Variants in WDR43 observed in about 807,000 individuals in gnomAD.
The protein encoded by WDR43 is WD repeat-containing protein 43.
In WDR43, 13 loss-of-function variants were observed where a neutral mutation model predicts 91.4. The ratio of observed to expected loss-of-function variants is 0.14; its 90% CI spans 0.09 to 0.23. The LOEUF is 0.23. WDR43 is among the 10% of genes least tolerant of loss of function. WDR43 has a pLI of 1.00. For synonymous variants in WDR43, 331 were observed against 287.9 expected (o/e 1.15, Z -1.51); for missense variants, 780 against 809.4 (o/e 0.96, Z 0.44).
chr2:28,924,675 A>G (rs1446172796), intron 7 of WDR43, among the ~76,000 whole-genome samples: 2 of 152,118 alleles, frequency 1.3e-5, no homozygotes, highest in Non-Finnish European at 2.9e-5. Context: ...GGACAGAACC[A>G]TACAGGACCT....
At chr2:28,912,513 G>GT (rs1215175666) in intron 3 of WDR43, 77 bp from the exon 4 acceptor site, 12 of 1,533,282 alleles carry the variant, frequency 7.8e-6, no homozygotes, top group Admixed American at 6.1e-5. Flanking sequence ...TGTTCAGTTT[G>GT]TTTTTTTGTT....
Position 28,926,466 on chromosome 2 carries a change from A to T in WDR43, c.1087-2A>T. 1 of 1,536,196 alleles carries T rather than the reference A, an allele frequency of 6.5e-7. No homozygotes were observed. The highest frequency in any genetic ancestry group is 8.8e-7 in the Non-Finnish European group (1 of 1,138,814). On this transcript the variant is annotated splice_acceptor_variant, in intron 8 of 17. Coordinates refer to ENST00000407426, the MANE Select transcript of WDR43 (RefSeq NM_015131.3). LOFTEE classifies it high-confidence loss of function. ...TCCCCTTTAAAAAAAATATATTTTC[A>T]GGCTTTAAACTCCAGAGAACCTCAT...
At chr2:28,920,677 T>G (rs949999572) in intron 6 of WDR43, among the ~76,000 whole-genome samples, 2 of 152,086 alleles carry the variant, frequency 1.3e-5, no homozygotes, top group Non-Finnish European at 1.5e-5. Context: ...GAGGGATTTT[T>G]TTTGTTTGTT....
chr2:28,921,838 T>C (rs1321513213), intron 6 of WDR43, among the ~76,000 whole-genome samples: 2 of 152,158 alleles, frequency 1.3e-5, no homozygotes, highest in Admixed American at 6.5e-5. Context: ...GTCTTGTGAG[T>C]AGCTGGGACT....
At chr2:28,910,690 T>C (rs1158298433) in intron 3 of WDR43, among the ~76,000 whole-genome samples, 3 of 148,404 alleles carry the variant, frequency 2.0e-5, no homozygotes, top group African/African-American at 7.3e-5. Context: ...TATATATATA[T>C]ATATAATTAT....
intron 11 of WDR43, chr2:28,930,066 G>C (rs1055666827): frequency 6.3e-6 from 3 of 475,338 alleles, no homozygotes; most frequent in East Asian, 6.8e-5. Context: ...AGGAAAATGC[G>C]TTCCTGAGTT....
chr2:28,902,161 CAG>C (rs751501890), intron 2 of WDR43, 37 bp downstream of exon 2: 5 of 1,514,564 alleles, frequency 3.3e-6, no homozygotes, highest in Non-Finnish European at 3.5e-6. Flanking sequence ...AGTGATGTGA[CAG>C]GGAAGCTGAT....
At chr2:28,924,410 T>C (rs1671091999) in intron 7 of WDR43, among the ~76,000 whole-genome samples, 1 of 152,102 alleles carries the variant, frequency 6.6e-6, no homozygotes, top group African/African-American at 2.4e-5. Flanking sequence ...TAGACTATTG[T>C]CTTGAAGTGT....
chr2:28,902,243 A>G, intron 2 of WDR43, 119 bp downstream of exon 2: 1 of 1,027,524 alleles, frequency 9.7e-7, no homozygotes. Flanking sequence ...GACAGTTTTC[A>G]GTCTCATCTA....
At chr2:28,918,125 T>C (rs1258715197) in intron 6 of WDR43, 130 bp downstream of exon 6, 6 of 746,948 alleles carry the variant, frequency 8.0e-6, no homozygotes, top group Non-Finnish European at 8.5e-6. Context: ...CTGTAACAAA[T>C]TTTAGACTGT....
In WDR43 at chr2:28,896,400, T is replaced by C. The variant is rs145390748; in HGVS notation, c.225+1477T>C. Among the ~76,000 whole-genome samples the C allele has an allele frequency of 6.1e-3, 923 of 152,312 alleles. 10 individuals carry two copies. Among genetic ancestry groups the C allele is most frequent in the African/African-American group, 0.021 (860 of 41,564 alleles). On this transcript the variant is annotated intron_variant, in intron 1 of 17. Coordinates refer to ENST00000407426, the MANE Select transcript of WDR43 (RefSeq NM_015131.3). ...TATATTTAATAATGCAGAGAACACT[T>C]AGAATAGTTCTTGACAGGTAAGTGC...
chr2:28,934,797 A>C (rs565258154), intron 11 of WDR43, among the ~76,000 whole-genome samples: 1 of 152,294 alleles, frequency 6.6e-6, no homozygotes, highest in South Asian at 2.1e-4. Context: ...TATTCTGAGC[A>C]TATTTATAGC....
chr2:28,925,267 A>G, intron 8 of WDR43, 114 bp downstream of exon 8: 1 of 1,083,634 alleles, frequency 9.2e-7, no homozygotes. Context: ...TTCTTTTTTA[A>G]TTAAAGGATT....
At chr2:28,906,247 G>T (rs544747944) in intron 2 of WDR43, among the ~76,000 whole-genome samples, 64 of 152,060 alleles carry the variant, frequency 4.2e-4, no homozygotes, top group African/African-American at 1.5e-3. Context: ...CACATCCTCT[G>T]CCAATGACTG....
chr2:28,910,707 TA>T (rs2148183225), intron 3 of WDR43, among the ~76,000 whole-genome samples: 1 of 127,440 alleles, frequency 7.8e-6, no homozygotes, highest in Non-Finnish European at 1.7e-5. Context: ...TTATTATTTT[TA>T]TTTTTTTTGA....
chr2:28,908,375 A>G (rs1411254567), intron 3 of WDR43, among the ~76,000 whole-genome samples: 1 of 152,232 alleles, frequency 6.6e-6, no homozygotes, highest in Non-Finnish European at 1.5e-5. Context: ...CTGATGGCTC[A>G]GTGAGTATTT....
At chr2:28,903,143 CTT>C (rs1160772999) in intron 2 of WDR43, among the ~76,000 whole-genome samples, 1 of 151,968 alleles carries the variant, frequency 6.6e-6, no homozygotes, top group African/African-American at 2.4e-5. Context: ...ACATAACTAT[CTT>C]ATATTTGTCA....
In WDR43 at chr2:28,944,611, A is replaced by G. The variant is rs115496851; in HGVS notation, c.1805-1839A>G. On this transcript the variant is annotated intron_variant, in intron 16 of 17. Coordinates refer to ENST00000407426, the MANE Select transcript of WDR43 (RefSeq NM_015131.3). The stretch of plus-strand genomic sequence containing the variant: ...TGGTTTATTCCTTTAGCATAACACT[A>G]CATTGGTGAGAGTGCCTGGAGTTGA... Among the ~76,000 whole-genome samples, 1,270 of 152,364 alleles carry G rather than the reference A, an allele frequency of 8.3e-3. 15 individuals are homozygous for G. Among genetic ancestry groups the G allele is most frequent in the African/African-American group, 0.029 (1,219 of 41,590 alleles).
chr2:28,924,947 A>G, intron 7 of WDR43, 35 bp from the exon 8 acceptor site: 1 of 1,582,696 alleles, frequency 6.3e-7, no homozygotes, highest in Non-Finnish European at 8.6e-7. Flanking sequence ...ACGTTTTTTC[A>G]AATTCTTTAA....
Sources: gnomAD v4.1 joint callset for allele counts (sites outside exome capture counted in the v4.1 genomes callset) on GRCh38, gnomAD v4.1.1 for gene constraint, MANE v1.5 for transcripts, NCBI Gene and HGNC (gene_info 2026-07-23, HGNC 2026-07-21) for gene names.